HEMK2: variants seen among roughly 807,000 people sequenced by gnomAD.
HEMK2 encodes the protein methyltransferase HEMK2.
the HEMK2 span, among the ~76,000 whole-genome samples, chr21:28,687,925 T>C: frequency 1.3e-5 from 2 of 152,238 alleles, no homozygotes; most frequent in East Asian, 1.9e-4. Context: ...GCTAGATGCA[T>C]TGTAAGTCTT....
the HEMK2 span, among the ~76,000 whole-genome samples, chr21:28,591,608 C>T: frequency 6.6e-6 from 1 of 152,098 alleles, no homozygotes; most frequent in Non-Finnish European, 1.5e-5. Context: ...CAGGTAAACT[C>T]ACATCATGGG....
At chr21:28,807,046 T>C in the HEMK2 span, among the ~76,000 whole-genome samples, 3 of 152,206 alleles carry the variant, frequency 2.0e-5, no homozygotes, top group Non-Finnish European at 2.9e-5. Context: ...CCTGCTTAAG[T>C]GAATTTATTC....
At chr21:28,630,480 A>G in the HEMK2 span, among the ~76,000 whole-genome samples, 9 of 152,092 alleles carry the variant, frequency 5.9e-5, no homozygotes, top group African/African-American at 9.7e-5. Context: ...ACATGCACAC[A>G]TATGTTTATA....
At chr21:28,809,507 A>G in the HEMK2 span, among the ~76,000 whole-genome samples, 10 of 152,300 alleles carry the variant, frequency 6.6e-5, no homozygotes, top group African/African-American at 2.4e-4. Flanking sequence ...CAGTTCATGT[A>G]AGAGCTGAAC....
At chr21:28,728,586 G>A in the HEMK2 span, among the ~76,000 whole-genome samples, 1 of 152,078 alleles carries the variant, frequency 6.6e-6, no homozygotes, top group Non-Finnish European at 1.5e-5. Context: ...AGACCACAGG[G>A]GGTGGAAAAG....
At chr21:28,634,799 T>C in the HEMK2 span, among the ~76,000 whole-genome samples, 1 of 152,204 alleles carries the variant, frequency 6.6e-6, no homozygotes, top group Non-Finnish European at 1.5e-5. Context: ...TTAATTAATA[T>C]ACTGCATATA....
At chr21:28,799,712 A>G in the HEMK2 span, among the ~76,000 whole-genome samples, 1 of 152,232 alleles carries the variant, frequency 6.6e-6, no homozygotes, top group Admixed American at 6.5e-5. Context: ...GAAGGTTTGG[A>G]AAGCCCTATG....
At chr21:28,772,201 T>C in the HEMK2 span, among the ~76,000 whole-genome samples, 1 of 152,160 alleles carries the variant, frequency 6.6e-6, no homozygotes, top group African/African-American at 2.4e-5. Flanking sequence ...AAAACCTATG[T>C]TTCAACCATG....
the HEMK2 span, among the ~76,000 whole-genome samples, chr21:28,693,545 G>A: frequency 6.6e-6 from 1 of 152,196 alleles, no homozygotes; most frequent in Non-Finnish European, 1.5e-5. Context: ...CTCTGATTCT[G>A]CTTCAACATT....
the HEMK2 span, among the ~76,000 whole-genome samples, chr21:28,825,911 T>C: frequency 8.1e-4 from 123 of 152,290 alleles, 1 homozygote; most frequent in African/African-American, 2.9e-3. Context: ...TCTGGGTCAG[T>C]TGGCTCCAGC....
the HEMK2 span, among the ~76,000 whole-genome samples, chr21:28,616,101 A>G: frequency 2.0e-5 from 3 of 152,344 alleles, no homozygotes; most frequent in African/African-American, 7.2e-5. Flanking sequence ...AGGGGTTGAC[A>G]GTGGAAGCTT....
At chr21:28,745,640 T>C in the HEMK2 span, among the ~76,000 whole-genome samples, 1 of 152,278 alleles carries the variant, frequency 6.6e-6, no homozygotes, top group East Asian at 1.9e-4. Context: ...ATGAATGCTC[T>C]AATGCTCTCA....
At chr21:28,740,074 T>C in the HEMK2 span, among the ~76,000 whole-genome samples, 10 of 152,236 alleles carry the variant, frequency 6.6e-5, no homozygotes, top group South Asian at 4.1e-4. Context: ...TCCCTTGATA[T>C]GCGTTTTACA....
chr21:28,805,675 T>C, the HEMK2 span, among the ~76,000 whole-genome samples: 1 of 152,126 alleles, frequency 6.6e-6, no homozygotes, highest in African/African-American at 2.4e-5. Context: ...CTGTGCTTTT[T>C]TTTTCTCCGA....
the HEMK2 span, among the ~76,000 whole-genome samples, chr21:28,835,759 G>A: frequency 6.6e-6 from 1 of 152,086 alleles, no homozygotes; most frequent in Non-Finnish European, 1.5e-5. Context: ...AGTAAAGGGA[G>A]AAATATTCAA....
At chr21:28,702,123 G>C in the HEMK2 span, among the ~76,000 whole-genome samples, 1 of 152,108 alleles carries the variant, frequency 6.6e-6, no homozygotes, top group African/African-American at 2.4e-5. Context: ...TAACTAGCTA[G>C]CCATATGCAG....
At chr21:28,878,404 A>C in the HEMK2 span, 3 of 1,560,594 alleles carry the variant, frequency 1.9e-6, no homozygotes, top group Non-Finnish European at 2.6e-6. Context: ...AATCTTTTTG[A>C]CAAGTAATAT....
chr21:28,799,526 CA>C, the HEMK2 span, among the ~76,000 whole-genome samples: 1 of 152,172 alleles, frequency 6.6e-6, no homozygotes. Flanking sequence ...AGTCTGCATT[CA>C]TCTGTTTCAA....
chr21:28,876,476 A>G, the HEMK2 span: 61 of 1,603,386 alleles, frequency 3.8e-5, no homozygotes, highest in African/African-American at 6.7e-4. Flanking sequence ...TGTCTTCATT[A>G]TTTTCAAAAT....
Sources: allele counts gnomAD v4.1 joint callset (sites outside exome capture counted in the v4.1 genomes callset), GRCh38; gene constraint gnomAD v4.1.1; transcripts MANE v1.5; gene names NCBI Gene and HGNC (gene_info 2026-07-23, HGNC 2026-07-21).